The following SFTPD variants were observed in gnomAD, a reference collection of about 807,000 sequenced individuals.
The protein encoded by SFTPD is pulmonary surfactant-associated protein D.
Under a neutral mutation model 34.6 loss-of-function variants are expected in SFTPD, and 18 were observed. The ratio of observed to expected loss-of-function variants is 0.52; its 90% CI spans 0.36 to 0.77. The LOEUF (loss-of-function observed/expected upper bound fraction) is 0.77, where lower values mean the gene tolerates loss of function less well. SFTPD is among the 30% of genes least tolerant of loss of function. The pLI is 0.00. For synonymous variants in SFTPD, 155 were observed against 180.9 expected (o/e 0.86, Z 1.15); for missense variants, 433 against 468.9 (o/e 0.92, Z 0.71).
At chr10:79,942,322 G>T (rs1304437089) in intron 4 of SFTPD, 66 bp downstream of exon 4, 8 of 1,130,996 alleles carry the variant, frequency 7.1e-6, no homozygotes, top group Non-Finnish European at 8.0e-6. Context: ...CACGCCTCAG[G>T]TCATATCATG....
At chr10:79,959,096 C>T (rs377418562) in intron 1 of SFTPD, among the ~76,000 whole-genome samples, 10 of 150,822 alleles carry the variant, frequency 6.6e-5, no homozygotes, top group East Asian at 3.9e-4. Context: ...TTGAAACCAA[C>T]GAGAACAAAG....
chr10:79,952,849 G>A (rs898360879), upstream of SFTPD, among the ~76,000 whole-genome samples: 4 of 152,194 alleles, frequency 2.6e-5, no homozygotes, highest in Non-Finnish European at 5.9e-5. Context: ...CCCTAAAGAA[G>A]TTCCCAAATT....
Position 79,939,440 on chromosome 10 carries a change from G to A in SFTPD, c.752-1212C>T, listed in dbSNP as rs138841546. Among the ~76,000 whole-genome samples the A allele has an allele frequency of 2.2e-3, 334 of 152,388 alleles. 2 individuals are homozygous for A. Among genetic ancestry groups the A allele is most frequent in the African/African-American group, 7.5e-3 (314 of 41,596 alleles). On this transcript the variant is annotated intron_variant, in intron 7 of 7. Coordinates refer to ENST00000372292, the MANE Select transcript of SFTPD (RefSeq NM_003019.5). ...CTAAGTTTATGTGCCATGCACATAT[G>A]TGGGCATGCCTTTGAATATATGTGC...
At chr10:79,967,537 A>C (rs1428463802) in intron 1 of SFTPD, among the ~76,000 whole-genome samples, 1 of 141,634 alleles carries the variant, frequency 7.1e-6, no homozygotes, top group Non-Finnish European at 1.5e-5. Flanking sequence ...GCATCACACT[A>C]CCTGACTTCA....
Position 79,946,496 on chromosome 10 carries a change from C to A in SFTPD, c.164G>T (p.Gly55Val). 1 of 1,614,094 alleles carries A rather than the reference C, an allele frequency of 6.2e-7. No individual in the cohort carries two copies. Among genetic ancestry groups the A allele is most frequent in the South Asian group, 1.1e-5 (1 of 91,080 alleles). Residue 55 changes from glycine to valine, a missense_variant, in exon 2 of 8, where the codon GGG becomes GTG. Transcript: ENST00000372292. Reference sequence around the variant, plus strand: ...CTTCTCGCCCCGAGGGCCCTCTCTCCCATCCCGTCCATCGCGACCAGGCAG... The same window carrying A: ...CTTCTCGCCCCGAGGGCCCTCTCTCACATCCCGTCCATCGCGACCAGGCAG... ...SGLPGRDGRD[G>V]REGPRGEKGD... is the part of the protein sequence containing the mutation.
chr10:79,944,241 T>C (rs1842643541), intron 2 of SFTPD, among the ~76,000 whole-genome samples: 1 of 152,210 alleles, frequency 6.6e-6, no homozygotes, highest in Non-Finnish European at 1.5e-5. Flanking sequence ...TCCTAAATAC[T>C]GGGGATAAAC....
intron 1 of SFTPD, among the ~76,000 whole-genome samples, chr10:79,947,277 G>A (rs1398792994): frequency 2.0e-5 from 3 of 152,342 alleles, no homozygotes; most frequent in East Asian, 1.9e-4. Context: ...AGCAGGTGCT[G>A]TCTCTAGAGA....
intron 5 of SFTPD, 25 bp downstream of exon 5, chr10:79,941,929 C>A (rs771706886): frequency 6.7e-7 from 1 of 1,490,830 alleles, no homozygotes; most frequent in Admixed American, 1.7e-5. Flanking sequence ...GGACCCAGCC[C>A]AGCCCAGCTC....
At chr10:79,956,587 G>A (rs889912725) in intron 1 of SFTPD, among the ~76,000 whole-genome samples, 5 of 152,378 alleles carry the variant, frequency 3.3e-5, no homozygotes, top group African/African-American at 1.2e-4. Flanking sequence ...TTGCAAGGTG[G>A]CAGTGAGGCT....
intron 1 of SFTPD, chr10:79,972,080 T>C (rs1335371666): frequency 6.6e-6 from 1 of 152,172 alleles, no homozygotes; most frequent in African/African-American, 2.4e-5. Flanking sequence ...AAGGTATCAG[T>C]CTTATTACAC....
chr10:79,976,411 T>A lies in SFTPD; in HGVS notation c.36+6164A>T, dbSNP rs570186943. Among the ~76,000 whole-genome samples the A allele has an allele frequency of 9.1e-4, 139 of 152,232 alleles. 5 individuals carry two copies. In the South Asian group the frequency reaches 0.028, roughly 30 times the overall value. On this transcript the variant is annotated intron_variant, in intron 1 of 5. Coordinates refer to the SFTPD transcript ENST00000444384. ...ACATCTGCATGCTCCCAGAAGTCCC[T>A]GGCTACTGAGTCAATCATATCTACT...
intron 1 of SFTPD, among the ~76,000 whole-genome samples, chr10:79,963,594 G>A (rs369143180): frequency 1.4e-4 from 21 of 152,074 alleles, no homozygotes; most frequent in African/African-American, 5.1e-4. Flanking sequence ...TTATTAGTGA[G>A]GTTGAATATC....
rs764543204 is a variant in SFTPD at position 79,978,020 on chromosome 10, G to A, written c.36+4555C>T. Among the ~76,000 whole-genome samples, 5 of 152,314 alleles carry A rather than the reference G, an allele frequency of 3.3e-5. No homozygotes were observed. In the South Asian group the frequency reaches 6.2e-4, roughly 19 times the overall value. On this transcript the variant is annotated intron_variant, in intron 1 of 5. Coordinates refer to the SFTPD transcript ENST00000444384. ...GACAGTAGCACTCAAGAACAGGTGAGCCTAACCACTTGCAGTCTGTTTACC... is the reference window on the plus strand; with the variant it reads ...GACAGTAGCACTCAAGAACAGGTGAACCTAACCACTTGCAGTCTGTTTACC...
chr10:79,953,690 T>C (rs927843605), upstream of SFTPD, among the ~76,000 whole-genome samples: 1 of 152,160 alleles, frequency 6.6e-6, no homozygotes, highest in Admixed American at 6.5e-5. Flanking sequence ...CTTCCCTAAA[T>C]TTGGGAAGTT....
At chr10:79,961,320 T>C (rs919723852) in intron 1 of SFTPD, among the ~76,000 whole-genome samples, 7 of 152,140 alleles carry the variant, frequency 4.6e-5, no homozygotes, top group African/African-American at 1.7e-4. Flanking sequence ...CTAAAGAGCT[T>C]CTGCACGGCA....
Position 79,941,505 on chromosome 10 carries a change from C to T in SFTPD, c.560G>A (p.Gly187Glu). The change falls in exon 6 of 8, where the codon GGA becomes GAA. Residue 187 changes from glycine to glutamate, a missense_variant. Physicochemically the swap from Gly to Glu is moderately conservative, Grantham distance 98. Transcript: ENST00000372292. ...PGNTGAAGSA[G>E]AMGPQGSPGA... ...TGGACTTCCCTGGGGACCCATGGCT[C>T]CAGCAGACCCTGGGGTAAAAGAAGA... 1 of 1,601,632 alleles carries T rather than the reference C, an allele frequency of 6.2e-7. No individual in the cohort carries two copies. The highest frequency in any genetic ancestry group is 8.5e-7 in the Non-Finnish European group (1 of 1,175,462).
At chr10:79,959,045 C>G (rs1341433520) in intron 1 of SFTPD, among the ~76,000 whole-genome samples, 2 of 152,102 alleles carry the variant, frequency 1.3e-5, no homozygotes, top group Non-Finnish European at 2.9e-5. Flanking sequence ...TGAATGACTA[C>G]TGGGTACATA....
chr10:79,981,912 G>A, intron 1 of SFTPD: 2 of 292,118 alleles, frequency 6.8e-6, no homozygotes, highest in South Asian at 5.9e-5. Flanking sequence ...GAGCCAGCGA[G>A]GTGTGCCCGC....
intron 1 of SFTPD, among the ~76,000 whole-genome samples, chr10:79,962,583 G>T (rs1842780082): frequency 6.6e-6 from 1 of 151,860 alleles, no homozygotes; most frequent in Non-Finnish European, 1.5e-5. Flanking sequence ...CCTGTCTTAT[G>T]TTTTTTAACT....
Sources: allele counts gnomAD v4.1 joint callset (sites outside exome capture counted in the v4.1 genomes callset), GRCh38; gene constraint gnomAD v4.1.1; transcripts MANE v1.5; gene names NCBI Gene and HGNC (gene_info 2026-07-23, HGNC 2026-07-21).